Variants in KCNAB1 observed in about 807,000 individuals in gnomAD.
KCNAB1 encodes voltage-gated potassium channel subunit beta-1.
KCNAB1 carries 35 observed loss-of-function variants against 64.6 expected under a neutral mutation model. The observed-to-expected ratio is 0.54, with a 90% confidence interval of 0.41 to 0.72. The LOEUF is 0.72. KCNAB1 is among the 30% of genes least tolerant of loss of function. The pLI, the probability that KCNAB1 is intolerant of heterozygous loss-of-function variation, is 0.00. For missense variants in KCNAB1, 401 were observed against 512.9 expected, an observed-to-expected ratio of 0.78 and a Z score of 2.11; for synonymous variants, 177 against 183.8, an observed-to-expected ratio of 0.96 and a Z score of 0.30.
rs894259806 is a variant in KCNAB1, at chr3:156,491,804, G to A, written c.658+16984G>A. Among the ~76,000 whole-genome samples, 11 of 151,936 alleles carry A rather than the reference G, an allele frequency of 7.2e-5. 1 individual carries two copies. The highest frequency in any genetic ancestry group is 4.2e-4 in the South Asian group (2 of 4,810). ...TATAAATAATGAATATTTAATACAC[G>A]CTAGCTATCTAATATTATTCCTTGA... On this transcript the variant is annotated intron_variant, in intron 8 of 13. Coordinates refer to ENST00000490337, the MANE Select transcript of KCNAB1 (RefSeq NM_172160.3).
chr3:156,488,552 G>A (rs548532927), intron 8 of KCNAB1, among the ~76,000 whole-genome samples: 220 of 152,210 alleles, frequency 1.4e-3, no homozygotes, highest in African/African-American at 4.0e-3. Flanking sequence ...AAGGTAGAAG[G>A]AGACGAGTTT....
intron 1 of KCNAB1, among the ~76,000 whole-genome samples, chr3:156,310,588 G>C (rs1173733853): frequency 1.3e-5 from 2 of 152,136 alleles, no homozygotes; most frequent in African/African-American, 4.8e-5. Flanking sequence ...CAGATCACGA[G>C]GTCAGGAGTT....
chr3:156,159,703 T>G (rs764620768), intron 1 of KCNAB1, among the ~76,000 whole-genome samples: 5 of 152,204 alleles, frequency 3.3e-5, no homozygotes, highest in Non-Finnish European at 7.3e-5. Context: ...CTAACTAATT[T>G]TACAAGTAAG....
intron 1 of KCNAB1, among the ~76,000 whole-genome samples, chr3:156,121,711 G>A (rs1004275792): frequency 3.3e-5 from 5 of 152,142 alleles, no homozygotes; most frequent in African/African-American, 1.2e-4. Flanking sequence ...GTTATTAAAT[G>A]GTAATAAAAA....
chr3:156,465,791 A>T, intron 7 of KCNAB1, 105 bp downstream of exon 7: 1 of 922,822 alleles, frequency 1.1e-6, no homozygotes, highest in South Asian at 1.4e-5. Context: ...AAAGTTCTAT[A>T]TGAAAAGTGC....
In KCNAB1 at chr3:156,127,714, C is replaced by T. The variant is rs1346895651; in HGVS notation, c.275+6828C>T. On this transcript the variant is annotated intron_variant, in intron 1 of 13. Transcript: ENST00000490337. Reference sequence around the variant, plus strand: ...AAGCTGCCATTGTCCTGTGTAGCTGCACCACTGGGGTGGTGAGTTGGAAGT... The same window carrying T: ...AAGCTGCCATTGTCCTGTGTAGCTGTACCACTGGGGTGGTGAGTTGGAAGT... Among the ~76,000 whole-genome samples, 7 of 152,266 alleles carry T rather than the reference C, an allele frequency of 4.6e-5. No homozygotes were observed. In the East Asian group the frequency reaches 1.4e-3, roughly 29 times the overall value.
chr3:156,296,683 C>T (rs537104138), intron 1 of KCNAB1, among the ~76,000 whole-genome samples: 300 of 152,180 alleles, frequency 2.0e-3, no homozygotes, highest in African/African-American at 7.0e-3. Context: ...CCGTGTTAGC[C>T]AGGATGATCT....
At chr3:156,267,266 A>G (rs1237887840) in intron 1 of KCNAB1, among the ~76,000 whole-genome samples, 2 of 152,208 alleles carry the variant, frequency 1.3e-5, no homozygotes, top group Admixed American at 6.5e-5. Flanking sequence ...TAGAACTGGC[A>G]GTAGAAGCAT....
intron 1 of KCNAB1, among the ~76,000 whole-genome samples, chr3:156,288,107 C>G (rs572517504): frequency 6.6e-5 from 10 of 152,280 alleles, no homozygotes; most frequent in Admixed American, 3.9e-4. Context: ...TTCTCTGAGG[C>G]TTTTGTCCTT....
At chr3:156,389,119 A>T (rs1458040490) in intron 1 of KCNAB1, among the ~76,000 whole-genome samples, 1 of 152,158 alleles carries the variant, frequency 6.6e-6, no homozygotes, top group Non-Finnish European at 1.5e-5. Context: ...GTGGCACTGC[A>T]GCCTCTCATG....
intron 1 of KCNAB1, chr3:156,143,019 T>C: frequency 7.5e-7 from 1 of 1,337,316 alleles, no homozygotes; most frequent in Non-Finnish European, 9.5e-7. Context: ...CTTAGGAGCC[T>C]GCTCGCCTAC....
intron 7 of KCNAB1, among the ~76,000 whole-genome samples, chr3:156,470,501 GTTAA>G (rs1713805626): frequency 6.6e-6 from 1 of 152,248 alleles, no homozygotes; most frequent in African/African-American, 2.4e-5. Context: ...TACAGAAAAA[GTTAA>G]TTAATTAAGT....
intron 1 of KCNAB1, among the ~76,000 whole-genome samples, chr3:156,365,618 G>A (rs936717633): frequency 1.4e-4 from 22 of 152,250 alleles, no homozygotes; most frequent in African/African-American, 4.8e-4. Context: ...TTTGCGTCTA[G>A]GCTCCTGCTG....
intron 1 of KCNAB1, among the ~76,000 whole-genome samples, chr3:156,344,416 A>G (rs543215830): frequency 6.6e-6 from 1 of 152,224 alleles, no homozygotes; most frequent in South Asian, 2.1e-4. Context: ...CCCTCACCAC[A>G]GGTCTTAGAT....
intron 1 of KCNAB1, among the ~76,000 whole-genome samples, chr3:156,372,018 C>T (rs972181544): frequency 5.3e-5 from 8 of 152,126 alleles, no homozygotes; most frequent in South Asian, 2.1e-4. Context: ...CATCAGCCGT[C>T]GCCCGAGACC....
At chr3:156,270,014 C>T (rs1412399325) in intron 1 of KCNAB1, among the ~76,000 whole-genome samples, 12 of 149,156 alleles carry the variant, frequency 8.0e-5, no homozygotes, top group East Asian at 4.0e-4. Flanking sequence ...CTCCTGGGTT[C>T]GCGCCATTCT....
chr3:156,324,322 C>T lies in KCNAB1; in HGVS notation c.276-97294C>T, dbSNP rs76896338. Reference sequence around the variant, plus strand: ...TCCAAGCTATATTTTCTATATTAGTCTATATTACAATGCGCTTTAATTAGG... The same window carrying T: ...TCCAAGCTATATTTTCTATATTAGTTTATATTACAATGCGCTTTAATTAGG... On this transcript the variant is annotated intron_variant, in intron 1 of 13. Transcript: ENST00000490337. 3.9e-5 allele frequency among the ~76,000 whole-genome samples: 6 copies of T among 152,226 alleles called. No homozygotes were observed. The East Asian group carries it at 1.2e-3, about 29-fold the overall frequency.
intron 1 of KCNAB1, among the ~76,000 whole-genome samples, chr3:156,298,218 C>T (rs774528866): frequency 8.5e-5 from 13 of 152,216 alleles, no homozygotes; most frequent in African/African-American, 2.9e-4. Context: ...GAAGTTATTA[C>T]GCAAACATTG....
chr3:156,421,612 A>G lies in KCNAB1; in HGVS notation c.276-4A>G, dbSNP rs1475701186. The G allele has an allele frequency of 6.2e-7, 1 of 1,613,758 alleles. No homozygotes were observed. Among genetic ancestry groups the G allele is most frequent in the African/African-American group, 1.3e-5 (1 of 75,026 alleles). On this transcript the variant is annotated splice_region_variant and splice_polypyrimidine_tract_variant and intron_variant, in intron 1 of 13. Coordinates refer to ENST00000490337, the MANE Select transcript of KCNAB1 (RefSeq NM_172160.3). ...GACCAAGTGTTGCTTTGTTTTTATT[A>G]TAGGAATCTTGGAAAATCAGGACTC... is the stretch of plus-strand genomic sequence containing the variant.
Sources: gnomAD v4.1 joint callset for allele counts (sites outside exome capture counted in the v4.1 genomes callset) on GRCh38, gnomAD v4.1.1 for gene constraint, MANE v1.5 for transcripts, NCBI Gene and HGNC (gene_info 2026-07-23, HGNC 2026-07-21) for gene names.